Variants in PCLO observed in about 807,000 individuals in gnomAD.
The protein encoded by PCLO is protein piccolo.
A neutral mutation model predicts 427.5 loss-of-function variants in PCLO; 82 were observed. That is an observed-to-expected ratio of 0.19 (90% CI 0.16 to 0.23). The LOEUF is 0.23. PCLO is among the 10% of genes least tolerant of loss of function. The pLI is 1.00. For missense variants in PCLO, 6,239 were observed against 6,115.9 expected (o/e 1.02, Z -0.67); for synonymous variants, 2,357 against 2,155.4 (o/e 1.09, Z -2.59).
At position 82,949,623 on chromosome 7, in the gene PCLO, T is replaced by C; in HGVS notation, c.10965A>G (p.Lys3655=). 4 of 1,613,902 alleles carry C rather than the reference T, an allele frequency of 2.5e-6. No homozygotes were observed. Among genetic ancestry groups the C allele is most frequent in the Non-Finnish European group, 3.4e-6 (4 of 1,179,856 alleles). ...CTTTAGCCATATCTGGATGCAGTAC[T>C]TTCTGTGGACTTATATCATCAGGGA... ...KPLPDDISPQ[K]VLHPDMAKVP... The change falls in exon 6 of 25, where the codon AAA becomes AAG. Residue 3655 remains lysine (K), a synonymous_variant. Coordinates refer to ENST00000333891, the MANE Select transcript of PCLO (RefSeq NM_033026.6).
chr7:83,045,983 T>C (rs987329320), intron 3 of PCLO, among the ~76,000 whole-genome samples: 3 of 152,092 alleles, frequency 2.0e-5, no homozygotes, highest in Non-Finnish European at 4.4e-5. Flanking sequence ...GAGACCAATA[T>C]ATTGGCAGGT....
At chr7:82,895,634 C>T (rs1393484069) in intron 9 of PCLO, among the ~76,000 whole-genome samples, 5 of 151,754 alleles carry the variant, frequency 3.3e-5, no homozygotes, top group Non-Finnish European at 2.9e-5. Context: ...TAATAAAGGG[C>T]TTCACTGTGT....
intron 3 of PCLO, among the ~76,000 whole-genome samples, chr7:82,992,893 C>A (rs890780283): frequency 3.3e-5 from 5 of 152,006 alleles, no homozygotes; most frequent in Non-Finnish European, 7.4e-5. Flanking sequence ...TGAAATAGCA[C>A]AAGAATCATC....
intron 2 of PCLO, among the ~76,000 whole-genome samples, chr7:83,146,448 C>T (rs1371262537): frequency 6.6e-6 from 1 of 151,954 alleles, no homozygotes; most frequent in African/African-American, 2.4e-5. Flanking sequence ...TTTATCTAAA[C>T]TAAGATTAAG....
chr7:82,768,326 G>A (rs576152770), intron 22 of PCLO, among the ~76,000 whole-genome samples: 1 of 152,014 alleles, frequency 6.6e-6, no homozygotes, highest in Non-Finnish European at 1.5e-5. Flanking sequence ...GGGAGACTGA[G>A]GCACGAGAAT....
chr7:83,125,087 G>T (rs1027846096), intron 3 of PCLO, among the ~76,000 whole-genome samples: 1 of 151,284 alleles, frequency 6.6e-6, no homozygotes, highest in South Asian at 2.1e-4. Context: ...GTGCAGTGGC[G>T]TGATCTCGGC....
chr7:82,847,269 T>C (rs1792528252), intron 10 of PCLO, 22 bp from the exon 11 acceptor site: 4 of 1,374,990 alleles, frequency 2.9e-6, no homozygotes, highest in Non-Finnish European at 4.1e-6. Flanking sequence ...AATTTGAATA[T>C]AAAATCAAAC....
intron 10 of PCLO, among the ~76,000 whole-genome samples, chr7:82,862,940 C>T (rs1584066831): frequency 6.6e-6 from 1 of 151,890 alleles, no homozygotes; most frequent in Admixed American, 6.6e-5. Flanking sequence ...TTCGATGGCA[C>T]AATAGTGTGA....
chr7:83,043,606 C>A (rs1789024524), intron 3 of PCLO, among the ~76,000 whole-genome samples: 1 of 152,182 alleles, frequency 6.6e-6, no homozygotes, highest in Admixed American at 6.5e-5. Flanking sequence ...ACAGAGAACT[C>A]AAGTGGCGTT....
At chr7:82,888,503 A>C (rs2116101153) in intron 9 of PCLO, among the ~76,000 whole-genome samples, 1 of 152,332 alleles carries the variant, frequency 6.6e-6, no homozygotes, top group South Asian at 2.1e-4. Flanking sequence ...TATACTCTCA[A>C]GCAAAGGTGA....
intron 10 of PCLO, among the ~76,000 whole-genome samples, chr7:82,847,780 AGACAT>A (rs1792543020): frequency 6.6e-6 from 1 of 152,156 alleles, no homozygotes; most frequent in Non-Finnish European, 1.5e-5. Context: ...ACGGTATGCC[AGACAT>A]CCCTGAATTG....
intron 3 of PCLO, among the ~76,000 whole-genome samples, chr7:83,126,535 A>T (rs1044058472): frequency 2.0e-5 from 3 of 152,124 alleles, no homozygotes; most frequent in Non-Finnish European, 2.9e-5. Flanking sequence ...TTAAAAATGT[A>T]AAAGTAATCA....
intron 22 of PCLO, among the ~76,000 whole-genome samples, chr7:82,782,566 T>A (rs1364828915): frequency 6.6e-6 from 1 of 152,120 alleles, no homozygotes. Flanking sequence ...GAGAAGAGAG[T>A]AGAATGTTCT....
chr7:83,018,425 C>T (rs1185293568), intron 3 of PCLO, among the ~76,000 whole-genome samples: 2 of 151,914 alleles, frequency 1.3e-5, no homozygotes, highest in African/African-American at 4.8e-5. Flanking sequence ...TAACTTTCTA[C>T]ACTTTCTAAA....
intron 3 of PCLO, among the ~76,000 whole-genome samples, chr7:83,057,344 ATATATTTTTTTT>A (rs1789418359): frequency 2.5e-4 from 5 of 19,944 alleles, no homozygotes; most frequent in African/African-American, 9.3e-4. Flanking sequence ...ATATATATAT[ATATATTTTTTTT>A]TTTTTTTTTT....
intron 22 of PCLO, among the ~76,000 whole-genome samples, chr7:82,795,435 C>A (rs1457180713): frequency 6.6e-6 from 1 of 152,054 alleles, no homozygotes; most frequent in Non-Finnish European, 1.5e-5. Context: ...TAGTTGATTG[C>A]CTATCATCAT....
At chr7:82,992,864 A>G (rs1321083822) in intron 3 of PCLO, among the ~76,000 whole-genome samples, 2 of 152,154 alleles carry the variant, frequency 1.3e-5, no homozygotes, top group African/African-American at 2.4e-5. Context: ...ATTGTTTTAA[A>G]GTAATTTCAG....
intron 3 of PCLO, among the ~76,000 whole-genome samples, chr7:83,034,013 G>A (rs1313016774): frequency 6.6e-6 from 1 of 151,996 alleles, no homozygotes; most frequent in Non-Finnish European, 1.5e-5. Flanking sequence ...TTCAAGTAAT[G>A]CTCAATATAT....
At chr7:83,078,733 C>T (rs1048476334) in intron 3 of PCLO, among the ~76,000 whole-genome samples, 5 of 152,048 alleles carry the variant, frequency 3.3e-5, no homozygotes, top group African/African-American at 7.2e-5. Flanking sequence ...GGTTTCACCA[C>T]GTTGCCCAGG....
Sources: allele counts gnomAD v4.1 joint callset (sites outside exome capture counted in the v4.1 genomes callset), GRCh38; gene constraint gnomAD v4.1.1; transcripts MANE v1.5; gene names NCBI Gene and HGNC (gene_info 2026-07-23, HGNC 2026-07-21).